RARB: variants seen among roughly 807,000 people sequenced by gnomAD.
RARB encodes retinoic acid receptor beta.
RARB carries 17 observed loss-of-function variants against 51.9 expected under a neutral mutation model. The ratio of observed to expected loss-of-function variants is 0.33; its 90% CI spans 0.22 to 0.49. The LOEUF (loss-of-function observed/expected upper bound fraction) is 0.49. RARB is among the 20% of genes least tolerant of loss of function. The probability of loss-of-function intolerance (pLI) is 0.99; values close to 1 mark genes in which losing one functional copy is unlikely to be tolerated. For synonymous variants in RARB, 215 were observed against 195.4 expected (o/e 1.10, Z -0.84); for missense variants, 369 against 550.8 (o/e 0.67, Z 3.30).
intron 5 of RARB, among the ~76,000 whole-genome samples, chr3:25,202,820 TCTTTTA>T (rs1701430588): frequency 6.6e-6 from 1 of 152,234 alleles, no homozygotes; most frequent in African/African-American, 2.4e-5. Flanking sequence ...TAATTTCTGT[TCTTTTA>T]CTTTTGCTGA....
chr3:24,984,695 T>C (rs1420939865), intron 2 of RARB, among the ~76,000 whole-genome samples: 2 of 152,194 alleles, frequency 1.3e-5, no homozygotes, highest in Admixed American at 6.5e-5. Flanking sequence ...TGACTATAGT[T>C]AATAATACTG....
chr3:25,120,382 T>A (rs961950922), intron 3 of RARB, among the ~76,000 whole-genome samples: 3 of 152,060 alleles, frequency 2.0e-5, no homozygotes, highest in African/African-American at 7.2e-5. Flanking sequence ...TAAAGCCATG[T>A]CCTCCAACTT....
intron 2 of RARB, among the ~76,000 whole-genome samples, chr3:25,486,904 ATTC>A (rs1464259311): frequency 1.3e-5 from 2 of 152,182 alleles, no homozygotes; most frequent in Non-Finnish European, 2.9e-5. Flanking sequence ...ATCTAAGTAT[ATTC>A]TTCTTACTCT....
intron 5 of RARB, among the ~76,000 whole-genome samples, chr3:25,310,037 C>T (rs1384725531): frequency 6.6e-6 from 1 of 152,198 alleles, no homozygotes; most frequent in Non-Finnish European, 1.5e-5. Flanking sequence ...CTTGCTGGCT[C>T]CTTATGGTTG....
intron 5 of RARB, among the ~76,000 whole-genome samples, chr3:25,241,525 C>A (rs1306401866): frequency 6.6e-6 from 1 of 152,140 alleles, no homozygotes; most frequent in African/African-American, 2.4e-5. Flanking sequence ...CCCGTATTTT[C>A]TCATTGTTCA....
At chr3:24,846,672 T>C (rs1403907492) in intron 1 of RARB, among the ~76,000 whole-genome samples, 1 of 152,164 alleles carries the variant, frequency 6.6e-6, no homozygotes, top group Non-Finnish European at 1.5e-5. Context: ...GTCCCTAGTC[T>C]GAGAGTGGTG....
chr3:24,993,768 T>G (rs1459657979), intron 2 of RARB, among the ~76,000 whole-genome samples: 1 of 152,190 alleles, frequency 6.6e-6, no homozygotes. Context: ...TTTAACTCTC[T>G]GTTCCTGTTT....
At chr3:25,432,533 T>C (rs1708250245) in intron 1 of RARB, among the ~76,000 whole-genome samples, 1 of 152,186 alleles carries the variant, frequency 6.6e-6, no homozygotes, top group African/African-American at 2.4e-5. Context: ...AGAAGTTTCC[T>C]TCTCATTTCT....
At chr3:25,550,611 A>T (rs1411506873) in intron 3 of RARB, among the ~76,000 whole-genome samples, 1 of 152,150 alleles carries the variant, frequency 6.6e-6, no homozygotes, top group Non-Finnish European at 1.5e-5. Context: ...GTTTCACTTT[A>T]TTTAAAATTT....
chr3:25,074,369 A>G (rs1298104782), intron 3 of RARB, among the ~76,000 whole-genome samples: 1 of 152,060 alleles, frequency 6.6e-6, no homozygotes, highest in African/African-American at 2.4e-5. Context: ...GAGTGTGTTT[A>G]TTTTATCCTG....
chr3:25,039,167 C>G (rs1056252092), intron 2 of RARB, among the ~76,000 whole-genome samples: 2 of 152,182 alleles, frequency 1.3e-5, no homozygotes, highest in Non-Finnish European at 2.9e-5. Flanking sequence ...ATCACATATC[C>G]TATTTCATAC....
intron 5 of RARB, among the ~76,000 whole-genome samples, chr3:25,231,651 G>A (rs892953679): frequency 7.9e-5 from 12 of 152,006 alleles, no homozygotes; most frequent in Admixed American, 3.3e-4. Context: ...TCTCATTTTG[G>A]TTTAAATTTG....
chr3:24,992,696 C>A (rs925289548), intron 2 of RARB, among the ~76,000 whole-genome samples: 4 of 152,156 alleles, frequency 2.6e-5, no homozygotes, highest in Non-Finnish European at 4.4e-5. Flanking sequence ...CATCTCCCCC[C>A]GTGTCTTCCC....
At chr3:25,286,959 T>A (rs1703671727) in intron 5 of RARB, among the ~76,000 whole-genome samples, 1 of 152,186 alleles carries the variant, frequency 6.6e-6, no homozygotes, top group African/African-American at 2.4e-5. Flanking sequence ...TCCCGATCAC[T>A]CATGATGCGC....
chr3:24,966,606 A>ATCTCTCTCTCTCTCTCTCTCTCTCTCTC (rs55848511), intron 2 of RARB, among the ~76,000 whole-genome samples: 1 of 140,228 alleles, frequency 7.1e-6, no homozygotes, highest in Non-Finnish European at 1.5e-5. Context: ...GTTTACATTC[A>ATCTCTCTCTCTCTCTCTCTCTCTCTCTC]TCTCTCTCTC....
chr3:25,517,754 T>C (rs1036791432), intron 3 of RARB, among the ~76,000 whole-genome samples: 1 of 152,172 alleles, frequency 6.6e-6, no homozygotes. Context: ...TATGCATTAA[T>C]TGATGAATAG....
At chr3:25,313,449 G>A (rs1193381842) in intron 5 of RARB, among the ~76,000 whole-genome samples, 1 of 152,140 alleles carries the variant, frequency 6.6e-6, no homozygotes, top group African/African-American at 2.4e-5. Flanking sequence ...AAGTAACTAG[G>A]CTTCCCCAAC....
At chr3:25,138,131 C>G (rs538236892) in intron 4 of RARB, among the ~76,000 whole-genome samples, 32 of 152,212 alleles carry the variant, frequency 2.1e-4, no homozygotes, top group Admixed American at 6.6e-4. Flanking sequence ...CTTCAGGGAG[C>G]TACAAGCCTG....
intron 5 of RARB, among the ~76,000 whole-genome samples, chr3:25,282,703 G>C (rs1245432719): frequency 6.6e-6 from 1 of 152,140 alleles, no homozygotes; most frequent in Non-Finnish European, 1.5e-5. Context: ...TGCTAGGCTT[G>C]TGAGTTCAAG....
Sources: gnomAD v4.1 joint callset for allele counts (sites outside exome capture counted in the v4.1 genomes callset) on GRCh38, gnomAD v4.1.1 for gene constraint, MANE v1.5 for transcripts, NCBI Gene and HGNC (gene_info 2026-07-23, HGNC 2026-07-21) for gene names.